The following C19orf53 variants were observed in gnomAD, a reference collection of about 807,000 sequenced individuals.
C19orf53 encodes the protein leydig cell tumor 10 kDa protein homolog.
Under a neutral mutation model 6.5 loss-of-function variants are expected in C19orf53, and 9 were observed. The ratio of observed to expected loss-of-function variants is 1.38; its 90% CI spans 0.83 to 2.40. The LOEUF (loss-of-function observed/expected upper bound fraction) is 2.40, where lower values mean the gene tolerates loss of function less well. Ranked by LOEUF, C19orf53 falls within the 30% of genes most tolerant of loss-of-function variation. The probability of loss-of-function intolerance (pLI) is 0.00; values close to 1 mark genes in which losing one functional copy is unlikely to be tolerated. For missense variants in C19orf53, 166 were observed against 129.7 expected (o/e 1.28, Z -1.36); for synonymous variants, 68 against 52.5 (o/e 1.29, Z -1.27).
At chr19:13,776,786 C>G (rs989853817) in intron 2 of C19orf53, among the ~76,000 whole-genome samples, 2 of 152,184 alleles carry the variant, frequency 1.3e-5, no homozygotes, top group African/African-American at 4.8e-5. Flanking sequence ...CCTGTTTCCT[C>G]TTTGCCATAG....
At position 13,774,530 on chromosome 19, in the gene C19orf53, C is replaced by T. The variant is rs764161179; in HGVS notation, c.53C>T (p.Thr18Met). 6 of 1,613,612 alleles carry T rather than the reference C, an allele frequency of 3.7e-6. No homozygotes were observed. In the East Asian group the frequency reaches 1.1e-4, roughly 30 times the overall value. Reference protein sequence around the residue: ...FQAHKPAKSKTAAAASEKNRG... With the variant: ...FQAHKPAKSKMAAAASEKNRG... ...GCGCACAAACCCGCAAAGAGTAAGA[C>T]GGCAGCGGCAGCCTCTGAAAAGAAT... The change falls in exon 1 of 3, where the codon ACG becomes ATG. Residue 18 changes from threonine (T) to methionine (M), a missense_variant. Physicochemically the swap from Thr to Met is moderately conservative, Grantham distance 81. Coordinates refer to ENST00000588234, the MANE Select transcript of C19orf53 (RefSeq NM_014047.3).
At chr19:13,777,672 T>C (rs346158) in intron 2 of C19orf53, among the ~76,000 whole-genome samples, 56,982 of 151,940 alleles carry the variant, frequency 0.38, 12,382 homozygotes, top group African/African-American at 0.6. Context: ...GCTTGCCGTC[T>C]GCAAAGCAGA....
chr19:13,774,499 T>C lies in C19orf53; in HGVS notation c.22T>C (p.Phe8Leu). Residue 8 changes from phenylalanine (F) to leucine (L), a missense_variant, in exon 1 of 3, where the codon TTT becomes CTT. Coordinates refer to ENST00000588234, the MANE Select transcript of C19orf53 (RefSeq NM_014047.3). ...GACCATGGCGCAGGGGCAGCGCAAG[T>C]TTCAGGCGCACAAACCCGCAAAGAG... is the stretch of plus-strand genomic sequence containing the variant. MAQGQRKFQAHKPAKSKT... is the reference protein window; with the variant it reads MAQGQRKLQAHKPAKSKT... 6.2e-7 allele frequency: 1 copy of C among 1,611,862 alleles called. No individual in the cohort carries two copies. The highest frequency in any genetic ancestry group is 8.5e-7 in the Non-Finnish European group (1 of 1,179,102).
chr19:13,778,335 G>A lies in C19orf53; in HGVS notation c.*137G>A, dbSNP rs1974391221. Reference sequence around the variant, plus strand: ...GGCTTCACCTAGAACTTCAGTGGGGGCCAAGGGTGCTGAGAACCCAGCAAT... The same window carrying A: ...GGCTTCACCTAGAACTTCAGTGGGGACCAAGGGTGCTGAGAACCCAGCAAT... On this transcript the variant is annotated 3_prime_UTR_variant, in exon 3 of 3. Coordinates refer to ENST00000588234, the MANE Select transcript of C19orf53 (RefSeq NM_014047.3). The A allele has an allele frequency of 2.7e-6, 3 of 1,099,308 alleles. No homozygotes were observed. The highest frequency in any genetic ancestry group is 2.9e-5 in the East Asian group (1 of 34,630). 68.1% of individuals were successfully genotyped at this position (1,099,308 alleles called of 1,614,324 possible). A position where few individuals can be genotyped will look rare whatever the true frequency, so the allele number is the denominator to read the frequency against.
At chr19:13,775,142 A>G (rs540503108) in intron 2 of C19orf53, among the ~76,000 whole-genome samples, 32 of 152,326 alleles carry the variant, frequency 2.1e-4, no homozygotes, top group African/African-American at 7.5e-4. Flanking sequence ...AAAGGGTTCC[A>G]ATAACGTCAG....
At chr19:13,776,818 A>T (rs928368652) in intron 2 of C19orf53, among the ~76,000 whole-genome samples, 2 of 152,164 alleles carry the variant, frequency 1.3e-5, no homozygotes, top group Non-Finnish European at 2.9e-5. Context: ...ATCCTTTAAC[A>T]GTGTAACATA....
chr19:13,774,622 C>T lies in C19orf53; in HGVS notation c.98-30C>T, dbSNP rs372608274. The T allele has an allele frequency of 7.4e-6, 12 of 1,613,058 alleles. No homozygotes were observed. In the South Asian group the frequency reaches 1.2e-4, roughly 16 times the overall value. On this transcript the variant is annotated intron_variant, in intron 1 of 2. Coordinates refer to ENST00000588234, the MANE Select transcript of C19orf53 (RefSeq NM_014047.3). ...GGGGGCGAGGTGGACCCCCGGCTTC[C>T]CGGCCTCACGTGAGCACATCTTTCC...
At chr19:13,775,276 C>T (rs532824080) in intron 2 of C19orf53, among the ~76,000 whole-genome samples, 6 of 139,880 alleles carry the variant, frequency 4.3e-5, no homozygotes, top group Admixed American at 4.3e-4. Context: ...TGTGAGGGTG[C>T]GTTGGTTATC....
chr19:13,774,794 C>T (rs1466948103), intron 2 of C19orf53, 87 bp downstream of exon 2: 7 of 1,502,258 alleles, frequency 4.7e-6, no homozygotes, highest in Non-Finnish European at 6.3e-6. Flanking sequence ...TGGGTGGAGC[C>T]CGGGGATCAG....
chr19:13,777,527 G>A (rs1055889459), intron 2 of C19orf53, among the ~76,000 whole-genome samples: 13 of 152,174 alleles, frequency 8.5e-5, no homozygotes, highest in Non-Finnish European at 1.6e-4. Flanking sequence ...CACCCAGTCC[G>A]TCGGAACTCA....
intron 1 of C19orf53, 39 bp downstream of exon 1, chr19:13,774,613 C>T (rs749215170): frequency 6.2e-7 from 1 of 1,613,072 alleles, no homozygotes; most frequent in East Asian, 2.2e-5. Flanking sequence ...GAGGTGGACC[C>T]CCGGCTTCCC....
At chr19:13,774,624 G>A in intron 1 of C19orf53, 28 bp from the exon 2 acceptor site, 1 of 1,612,940 alleles carries the variant, frequency 6.2e-7, no homozygotes, top group Non-Finnish European at 8.5e-7. Context: ...CCGGCTTCCC[G>A]GCCTCACGTG....
chr19:13,774,705 A>C lies in C19orf53; in HGVS notation c.151A>C (p.Lys51Gln), dbSNP rs1442855592. ...CGTCGTGCAGCAGCAAAAGCTCAAG[A>C]AGGTGTGCGGGGGCGAGAGATGGAG... ...ARVVQQQKLK[K>Q]NLEVGIRKKI... The change falls in exon 2 of 3, where the codon AAG (lysine) becomes CAG (glutamine). Residue 51 changes from lysine (K) to glutamine (Q), a missense_variant and splice_region_variant. Coordinates refer to ENST00000588234, the MANE Select transcript of C19orf53 (RefSeq NM_014047.3). The C allele has an allele frequency of 6.2e-7, 1 of 1,605,090 alleles. No homozygotes were observed. The highest frequency in any genetic ancestry group is 8.5e-7 in the Non-Finnish European group (1 of 1,173,242).
At position 13,778,312 on chromosome 19, in the gene C19orf53, C is replaced by T. The variant is rs1974390976; in HGVS notation, c.*114C>T. On this transcript the variant is annotated 3_prime_UTR_variant, in exon 3 of 3. Transcript: ENST00000588234. ...GAGGACCCTGTCCCCCAGCACTGGGCTTCACCTAGAACTTCAGTGGGGGCC... is the reference window on the plus strand; with the variant it reads ...GAGGACCCTGTCCCCCAGCACTGGGTTTCACCTAGAACTTCAGTGGGGGCC... The T allele has an allele frequency of 2.3e-6, 3 of 1,310,936 alleles. No homozygotes were observed. The highest frequency in any genetic ancestry group is 6.2e-5 in the Admixed American group (2 of 32,422). 81.2% of individuals were successfully genotyped at this position (1,310,936 alleles called of 1,614,324 possible). A position where few individuals can be genotyped will look rare whatever the true frequency, so the allele number is the denominator to read the frequency against.
intron 2 of C19orf53, among the ~76,000 whole-genome samples, chr19:13,776,042 C>G (rs1272911253): frequency 2.0e-5 from 3 of 151,660 alleles, no homozygotes; most frequent in African/African-American, 7.3e-5. Context: ...GGTGCAACCT[C>G]TGCCTCCTGG....
Position 13,774,656 on chromosome 19 carries a change from T to C in C19orf53, c.102T>C (p.Arg34=). Residue 34 remains arginine, a synonymous_variant, in exon 2 of 3, where the codon CGT becomes CGC. Transcript: ENST00000588234. ...CGTGAGCACATCTTTCCCCAGGTCG[T>C]GTTATCGCTCCCAAGAAGGCGCGCG... ...EKNRGPRKGG[R]VIAPKKARVV... 1 of 1,610,144 alleles carries C rather than the reference T, an allele frequency of 6.2e-7. No homozygotes were observed. The highest frequency in any genetic ancestry group is 8.5e-7 in the Non-Finnish European group (1 of 1,176,696).
rs755237961 is a variant in C19orf53 at position 13,778,123 on chromosome 19, G to A, written c.225G>A (p.Lys75=). The A allele has an allele frequency of 4.3e-6, 7 of 1,613,300 alleles. No homozygotes were observed. The highest frequency in any genetic ancestry group is 5.9e-6 in the Non-Finnish European group (7 of 1,179,596). ...VVMKASSSLP[K]KLALLKAPAK... is the part of the protein sequence containing the mutation. ...TGAAAGCCAGCAGCAGCCTGCCCAA[G>A]AAGCTGGCACTGCTGAAGGCCCCAG... Residue 75 remains lysine (K), a synonymous_variant, in exon 3 of 3, where the codon AAG becomes AAA. Coordinates refer to ENST00000588234, the MANE Select transcript of C19orf53 (RefSeq NM_014047.3).
chr19:13,778,303 A>T lies in C19orf53; in HGVS notation c.*105A>T. On this transcript the variant is annotated 3_prime_UTR_variant, in exon 3 of 3. Transcript: ENST00000588234. ...TGTCAGGAAGAGGACCCTGTCCCCC[A>T]GCACTGGGCTTCACCTAGAACTTCA... 1 of 1,357,544 alleles carries T rather than the reference A, an allele frequency of 7.4e-7. No homozygotes were observed. The highest frequency in any genetic ancestry group is 9.7e-7 in the Non-Finnish European group (1 of 1,029,964). The allele number at this position is 1,357,544 out of a possible 1,614,324, so 84.1% of individuals were successfully genotyped here. A position where few individuals can be genotyped will look rare whatever the true frequency, so the allele number is the denominator to read the frequency against.
At chr19:13,775,515 C>T (rs1974360888) in intron 2 of C19orf53, 1 of 152,136 alleles carries the variant, frequency 6.6e-6, no homozygotes, top group South Asian at 2.1e-4. Context: ...GAACTCCTGG[C>T]CTCAAGGCAT....
Sources: allele counts gnomAD v4.1 joint callset (sites outside exome capture counted in the v4.1 genomes callset), GRCh38; gene constraint gnomAD v4.1.1; transcripts MANE v1.5; gene names NCBI Gene and HGNC (gene_info 2026-07-23, HGNC 2026-07-21).